Variants in ZBTB7C observed in about 807,000 individuals in gnomAD.
ZBTB7C encodes the protein zinc finger and BTB domain-containing protein 7C.
ZBTB7C carries 8 observed loss-of-function variants against 25.7 expected under a neutral mutation model. That is an observed-to-expected ratio of 0.31 (90% CI 0.18 to 0.56). The LOEUF is 0.56. Among genes scored for constraint, ZBTB7C ranks in the 20% least tolerant of loss-of-function variants. The pLI, the probability that ZBTB7C is intolerant of heterozygous loss-of-function variation, is 0.91. For synonymous variants in ZBTB7C, 394 were observed against 369.0 expected (o/e 1.07, Z -0.78); for missense variants, 824 against 855.2 (o/e 0.96, Z 0.46).
At chr18:48,078,132 T>C (rs2037844628) in intron 3 of ZBTB7C, among the ~76,000 whole-genome samples, 1 of 152,124 alleles carries the variant, frequency 6.6e-6, no homozygotes, top group African/African-American at 2.4e-5. Flanking sequence ...GTCACTAAGA[T>C]GGCCCTCTGG....
intron 3 of ZBTB7C, among the ~76,000 whole-genome samples, chr18:48,082,684 C>T (rs980013846): frequency 2.6e-5 from 4 of 151,120 alleles, no homozygotes; most frequent in Admixed American, 1.3e-4. Flanking sequence ...GAGTACCTCC[C>T]GTGCGCTGGG....
At chr18:48,172,650 G>A (rs1451110419) in intron 3 of ZBTB7C, among the ~76,000 whole-genome samples, 1 of 152,248 alleles carries the variant, frequency 6.6e-6, no homozygotes, top group Non-Finnish European at 1.5e-5. Flanking sequence ...CCTTCACTGG[G>A]CTGGCAAGTC....
At chr18:48,280,490 G>C (rs971189941) in intron 2 of ZBTB7C, among the ~76,000 whole-genome samples, 2 of 152,044 alleles carry the variant, frequency 1.3e-5, no homozygotes, top group Non-Finnish European at 1.5e-5. Flanking sequence ...GGCTTCTCAA[G>C]CCCTACACAA....
At chr18:48,039,311 C>G (rs1598755300) in intron 4 of ZBTB7C, among the ~76,000 whole-genome samples, 1 of 152,190 alleles carries the variant, frequency 6.6e-6, no homozygotes, top group East Asian at 1.9e-4. Context: ...TACACAGAGG[C>G]TGAGATTCCA....
intron 2 of ZBTB7C, among the ~76,000 whole-genome samples, chr18:48,193,054 G>A (rs986940439): frequency 3.9e-5 from 6 of 152,292 alleles, no homozygotes; most frequent in Admixed American, 6.5e-5. Flanking sequence ...CAGGCCCCAC[G>A]CTGGGGACTT....
At chr18:48,272,187 T>C (rs1490732292) in intron 2 of ZBTB7C, among the ~76,000 whole-genome samples, 1 of 152,208 alleles carries the variant, frequency 6.6e-6, no homozygotes, top group Non-Finnish European at 1.5e-5. Context: ...TTTGAATCAG[T>C]AGACTGAGTA....
chr18:48,175,923 T>C (rs1391934222), intron 3 of ZBTB7C, among the ~76,000 whole-genome samples: 1 of 151,602 alleles, frequency 6.6e-6, no homozygotes, highest in Non-Finnish European at 1.5e-5. Flanking sequence ...AGTGCTGGAG[T>C]TGGAAATGCA....
chr18:48,385,989 G>A (rs553035403), intron 1 of ZBTB7C, among the ~76,000 whole-genome samples: 1 of 152,210 alleles, frequency 6.6e-6, no homozygotes, highest in African/African-American at 2.4e-5. Context: ...TATACAATAT[G>A]TGAACTAGAA....
At chr18:48,294,467 C>A (rs556333229) in intron 2 of ZBTB7C, among the ~76,000 whole-genome samples, 4 of 152,228 alleles carry the variant, frequency 2.6e-5, no homozygotes, top group Admixed American at 2.0e-4. Flanking sequence ...CAGGCCAGCT[C>A]CTCTGGTGCC....
chr18:48,033,209 G>A (rs751561760), intron 4 of ZBTB7C, among the ~76,000 whole-genome samples: 2 of 152,192 alleles, frequency 1.3e-5, no homozygotes, highest in Non-Finnish European at 2.9e-5. Flanking sequence ...CACACTTGGT[G>A]TAATTTCCTC....
At chr18:48,129,978 T>C (rs1264772499) in intron 3 of ZBTB7C, among the ~76,000 whole-genome samples, 1 of 152,182 alleles carries the variant, frequency 6.6e-6, no homozygotes, top group Non-Finnish European at 1.5e-5. Context: ...GGGCGGTCTC[T>C]GGCTGAGACC....
At chr18:48,132,173 G>T (rs1318969943) in intron 3 of ZBTB7C, among the ~76,000 whole-genome samples, 3 of 152,112 alleles carry the variant, frequency 2.0e-5, no homozygotes, top group Admixed American at 1.3e-4. Context: ...TACCCATTAT[G>T]GGTAAATATA....
intron 3 of ZBTB7C, among the ~76,000 whole-genome samples, chr18:48,140,976 CG>C (rs1210440485): frequency 6.6e-6 from 1 of 152,198 alleles, no homozygotes; most frequent in Non-Finnish European, 1.5e-5. Flanking sequence ...TCTGCTCCTT[CG>C]GCCCAACGCC....
rs558066040 is a variant in ZBTB7C at position 48,201,601 on chromosome 18, TCTC to T, written c.-78-15609_-78-15607del. Among the ~76,000 whole-genome samples, 26 of 151,736 alleles carry T rather than the reference TCTC, an allele frequency of 1.7e-4. 1 individual carries two copies. The highest frequency in any genetic ancestry group is 3.7e-4 in the Non-Finnish European group (25 of 67,900). Reference sequence around the variant, plus strand: ...CCACCTACACTCCAGGTGTCCTGCCTCTCCTCCTGCCTCTTTCCCTCCATCTTT... The same window carrying T: ...CCACCTACACTCCAGGTGTCCTGCCTCTCCTGCCTCTTTCCCTCCATCTTT... On this transcript the variant is annotated intron_variant, in intron 2 of 4. Coordinates refer to ENST00000590800, the MANE Select transcript of ZBTB7C (RefSeq NM_001318841.2).
chr18:48,214,276 C>T (rs144964814), intron 2 of ZBTB7C, among the ~76,000 whole-genome samples: 2 of 152,318 alleles, frequency 1.3e-5, no homozygotes, highest in East Asian at 1.9e-4. Flanking sequence ...AAACTGTCTC[C>T]AATAAACATA....
chr18:48,257,272 G>A (rs982555084), intron 2 of ZBTB7C, among the ~76,000 whole-genome samples: 1 of 151,956 alleles, frequency 6.6e-6, no homozygotes, highest in Admixed American at 6.6e-5. Context: ...ATGATAAAAG[G>A]ATCAATTCAT....
chr18:48,412,281 T>A (rs573036869), upstream of ZBTB7C, among the ~76,000 whole-genome samples: 115 of 152,348 alleles, frequency 7.5e-4, no homozygotes, highest in Middle Eastern at 0.01. Flanking sequence ...TTTTACCTAT[T>A]TCCCGAGGAT....
chr18:48,049,260 T>A (rs1034410936), intron 3 of ZBTB7C, among the ~76,000 whole-genome samples: 4 of 152,210 alleles, frequency 2.6e-5, no homozygotes, highest in African/African-American at 9.7e-5. Context: ...AGTGCTGGTG[T>A]AGGCAAATTA....
At chr18:48,361,802 G>A (rs1355828437) in intron 1 of ZBTB7C, among the ~76,000 whole-genome samples, 2 of 152,248 alleles carry the variant, frequency 1.3e-5, no homozygotes, top group Non-Finnish European at 2.9e-5. Context: ...GAAGCCCGAG[G>A]TGGAGGAAAA....
Sources: allele counts gnomAD v4.1 joint callset (sites outside exome capture counted in the v4.1 genomes callset), GRCh38; gene constraint gnomAD v4.1.1; transcripts MANE v1.5; gene names NCBI Gene and HGNC (gene_info 2026-07-23, HGNC 2026-07-21).